The following RIMS1 variants were observed in gnomAD, a reference collection of about 807,000 sequenced individuals.
RIMS1 encodes regulating synaptic membrane exocytosis 1, also known as regulating synaptic membrane exocytosis protein 1.
Under a neutral mutation model 214.1 loss-of-function variants are expected in RIMS1, and 83 were observed. That is an observed-to-expected ratio of 0.39 (90% CI 0.32 to 0.47). The LOEUF (loss-of-function observed/expected upper bound fraction) is 0.47, where lower values mean the gene tolerates loss of function less well. Ranked by LOEUF, RIMS1 falls within the 20% of genes least tolerant of loss-of-function variation. RIMS1 has a pLI of 0.99. For synonymous variants in RIMS1, 793 were observed against 786.8 expected, an observed-to-expected ratio of 1.01 and a Z score of -0.13; for missense variants, 2,050 against 2,161.8, an observed-to-expected ratio of 0.95 and a Z score of 1.03.
intron 29 of RIMS1, among the ~76,000 whole-genome samples, chr6:72,335,300 A>G (rs1244828535): frequency 6.6e-6 from 1 of 150,712 alleles, no homozygotes; most frequent in Non-Finnish European, 1.5e-5. Flanking sequence ...TCATTGTTTA[A>G]CTCCCACCTA....
intron 1 of RIMS1, among the ~76,000 whole-genome samples, chr6:71,967,841 G>A (rs950217164): frequency 6.6e-6 from 1 of 152,124 alleles, no homozygotes; most frequent in Non-Finnish European, 1.5e-5. Flanking sequence ...GTGTGTGCAC[G>A]TTTCTGTGTG....
intron 6 of RIMS1, among the ~76,000 whole-genome samples, chr6:72,209,795 G>A (rs1445582830): frequency 6.6e-6 from 1 of 151,814 alleles, no homozygotes; most frequent in African/African-American, 2.4e-5. Context: ...CAGCTACTCG[G>A]GAGGCTGAGG....
intron 32 of RIMS1, 97 bp downstream of exon 32, chr6:72,398,447 C>T (rs1305306853): frequency 4.3e-6 from 3 of 690,280 alleles, no homozygotes; most frequent in East Asian, 5.5e-5. Context: ...CTCTGTTTTG[C>T]ATCATCTGAT....
intron 6 of RIMS1, among the ~76,000 whole-genome samples, chr6:72,208,064 C>G (rs1386342191): frequency 1.3e-5 from 2 of 152,114 alleles, no homozygotes; most frequent in East Asian, 3.9e-4. Flanking sequence ...TTTTTAACCT[C>G]TTTTTTAACC....
chr6:72,237,310 T>C (rs911556933), intron 8 of RIMS1, among the ~76,000 whole-genome samples: 5 of 151,930 alleles, frequency 3.3e-5, no homozygotes, highest in Admixed American at 3.3e-4. Context: ...GTACACAAAC[T>C]TCCTTAGGAC....
At chr6:71,901,371 C>T (rs556913320) in intron 1 of RIMS1, among the ~76,000 whole-genome samples, 1 of 152,184 alleles carries the variant, frequency 6.6e-6, no homozygotes, top group Admixed American at 6.6e-5. Context: ...AGACGTCCAT[C>T]AGTAGAATGA....
intron 29 of RIMS1, among the ~76,000 whole-genome samples, chr6:72,381,992 A>G (rs2098499143): frequency 6.6e-6 from 1 of 152,224 alleles, no homozygotes; most frequent in Non-Finnish European, 1.5e-5. Context: ...ATTCTCTTGA[A>G]GGAAAATATC....
chr6:72,123,301 C>T (rs2038819172), intron 4 of RIMS1, among the ~76,000 whole-genome samples: 1 of 151,792 alleles, frequency 6.6e-6, no homozygotes, highest in Non-Finnish European at 1.5e-5. Context: ...TTTCTTAATC[C>T]TGAGTTCTAG....
chr6:71,899,456 C>G (rs956192256), intron 1 of RIMS1, among the ~76,000 whole-genome samples: 1 of 151,240 alleles, frequency 6.6e-6, no homozygotes, highest in Non-Finnish European at 1.5e-5. Flanking sequence ...ACATATATAT[C>G]TAAGAACTTG....
chr6:72,148,745 A>C, intron 4 of RIMS1: 1 of 428,060 alleles, frequency 2.3e-6, no homozygotes, highest in Non-Finnish European at 4.6e-6. Context: ...CTTCAATCGA[A>C]AGCTCAGGAT....
intron 2 of RIMS1, among the ~76,000 whole-genome samples, chr6:71,984,715 G>T (rs1178992628): frequency 1.3e-5 from 2 of 151,974 alleles, no homozygotes; most frequent in African/African-American, 2.4e-5. Context: ...AGTTGAGATT[G>T]TAAACCTTCA....
intron 23 of RIMS1, among the ~76,000 whole-genome samples, chr6:72,275,252 G>T (rs1190916497): frequency 4.8e-5 from 7 of 147,158 alleles, no homozygotes; most frequent in African/African-American, 1.8e-4. Context: ...TTCTCTTCTG[G>T]TTCAAGCAGA....
At chr6:72,303,677 T>G (rs1050509134) in intron 26 of RIMS1, among the ~76,000 whole-genome samples, 1 of 151,478 alleles carries the variant, frequency 6.6e-6, no homozygotes, top group Non-Finnish European at 1.5e-5. Flanking sequence ...ATACATAGAT[T>G]AATATTAAAA....
At chr6:72,068,975 G>A (rs1206107574) in intron 2 of RIMS1, among the ~76,000 whole-genome samples, 1 of 150,094 alleles carries the variant, frequency 6.7e-6, no homozygotes, top group East Asian at 2.0e-4. Context: ...TTGAACTGAA[G>A]CAAGCAGAGG....
chr6:72,168,232 G>A (rs763301126), intron 4 of RIMS1, among the ~76,000 whole-genome samples: 1 of 152,176 alleles, frequency 6.6e-6, no homozygotes, highest in Non-Finnish European at 1.5e-5. Flanking sequence ...CTCAATTCTT[G>A]CCTTCTTAGA....
intron 22 of RIMS1, among the ~76,000 whole-genome samples, chr6:72,266,546 C>A (rs78741327): frequency 0.017 from 2,516 of 152,152 alleles, 23 homozygotes; most frequent in African/African-American, 0.021. Flanking sequence ...TCAATCTACT[C>A]TTTGATATAA....
chr6:72,390,875 A>C, intron 30 of RIMS1, 139 bp downstream of exon 30: 1 of 941,758 alleles, frequency 1.1e-6, no homozygotes, highest in Non-Finnish European at 1.6e-6. Flanking sequence ...AACCACCCTG[A>C]TGGCTTATAA....
At chr6:72,211,876 A>C (rs371455814) in intron 6 of RIMS1, among the ~76,000 whole-genome samples, 1 of 146,988 alleles carries the variant, frequency 6.8e-6, no homozygotes, top group South Asian at 2.2e-4. Context: ...TAGAAGCCTT[A>C]GGTTAGTGAC....
intron 4 of RIMS1, among the ~76,000 whole-genome samples, chr6:72,106,536 C>T (rs976158686): frequency 6.6e-6 from 1 of 152,124 alleles, no homozygotes; most frequent in Admixed American, 6.5e-5. Flanking sequence ...ATGACAATCA[C>T]AAGGAGAAGA....
Sources: allele counts gnomAD v4.1 joint callset (sites outside exome capture counted in the v4.1 genomes callset), GRCh38; gene constraint gnomAD v4.1.1; transcripts MANE v1.5; gene names NCBI Gene and HGNC (gene_info 2026-07-23, HGNC 2026-07-21).